Variants in PTPN18 observed in about 807,000 individuals in gnomAD.
PTPN18 encodes tyrosine-protein phosphatase non-receptor type 18.
Under a neutral mutation model 65.4 loss-of-function variants are expected in PTPN18, and 65 were observed. The ratio of observed to expected loss-of-function variants is 0.99; its 90% CI spans 0.81 to 1.22. The LOEUF is 1.22. Among genes scored for constraint, PTPN18 ranks in the 50% most tolerant of loss-of-function variants. The probability of loss-of-function intolerance (pLI) is 0.00; values close to 1 mark genes in which losing one functional copy is unlikely to be tolerated. For synonymous variants in PTPN18, 255 were observed against 267.8 expected (o/e 0.95, Z 0.47); for missense variants, 616 against 646.5 (o/e 0.95, Z 0.51).
Position 130,372,489 on chromosome 2 carries a change from T to C in PTPN18, c.1240+6T>C. ...GGGGACGCTGCCTGGCCGCGGTGAG[T>C]CGAGGCTTGCTCCTTCTCAGGGCAT... On this transcript the variant is annotated splice_donor_region_variant and intron_variant, in intron 13 of 14. Transcript: ENST00000175756. 7.2e-7 allele frequency: 1 copy of C among 1,382,138 alleles called. No homozygotes were observed. Among genetic ancestry groups the C allele is most frequent in the Non-Finnish European group, 9.3e-7 (1 of 1,075,776 alleles). 85.6% of individuals were successfully genotyped at this position (1,382,138 alleles called of 1,614,324 possible).
At chr2:130,358,653 A>C (rs529299643) in intron 1 of PTPN18, among the ~76,000 whole-genome samples, 7 of 152,174 alleles carry the variant, frequency 4.6e-5, no homozygotes, top group Admixed American at 1.3e-4. Flanking sequence ...TGATGATTAC[A>C]TGCCCTTAGC....
At chr2:130,359,868 CT>C in intron 5 of PTPN18, 1 of 603,384 alleles carries the variant, frequency 1.7e-6, no homozygotes, top group Non-Finnish European at 2.9e-6. Context: ...CATTTCACAC[CT>C]TAGACCATAA....
intron 1 of PTPN18, among the ~76,000 whole-genome samples, chr2:130,357,729 G>A (rs1357371935): frequency 1.3e-5 from 2 of 151,926 alleles, no homozygotes; most frequent in East Asian, 1.9e-4. Context: ...GGTGGCGGGC[G>A]CCTGTAGTCC....
Position 130,374,742 on chromosome 2 carries a change from C to G in PTPN18, c.*1518C>G. 2.1e-6 allele frequency: 1 copy of G among 468,242 alleles called. No individual in the cohort carries two copies. The allele number at this position is 468,242 out of a possible 1,614,324, so 29.0% of individuals were successfully genotyped here. ...GCCACAGTGCCCTGGGCCCCATGTC[C>G]ACCCCTGTCCTGCCCTTCTCTGGGA... On this transcript the variant is annotated 3_prime_UTR_variant, in exon 15 of 15. Coordinates refer to ENST00000175756, the MANE Select transcript of PTPN18 (RefSeq NM_014369.4).
intron 2 of PTPN18, 60 bp downstream of exon 2, chr2:130,359,035 G>A (rs567437982): frequency 4.2e-5 from 65 of 1,561,584 alleles, no homozygotes; most frequent in Middle Eastern, 1.8e-4. Flanking sequence ...ACGTCCAGGC[G>A]TCAGTGTGCA....
intron 1 of PTPN18, among the ~76,000 whole-genome samples, chr2:130,357,108 A>G (rs540428309): frequency 6.6e-6 from 1 of 152,352 alleles, no homozygotes; most frequent in South Asian, 2.1e-4. Context: ...GACTCGCTTG[A>G]ACCTGGGAGG....
In PTPN18 at chr2:130,374,566, T is replaced by G; in HGVS notation, c.*1342T>G. 2.1e-6 allele frequency: 1 copy of G among 466,294 alleles called. No individual in the cohort carries two copies. Among genetic ancestry groups the G allele is most frequent in the South Asian group, 1.6e-5 (1 of 64,290 alleles). The allele number at this position is 466,294 out of a possible 1,614,324, so 28.9% of individuals were successfully genotyped here. A position where few individuals can be genotyped will look rare whatever the true frequency, so the allele number is the denominator to read the frequency against. ...AAGAAATAAAAGGAGGACACGTCTC[T>G]GTGCACTGGTGTGGACAAATCTCCA... On this transcript the variant is annotated 3_prime_UTR_variant, in exon 15 of 15. Coordinates refer to ENST00000175756, the MANE Select transcript of PTPN18 (RefSeq NM_014369.4).
At chr2:130,362,083 G>T (rs576079797) in intron 5 of PTPN18, 2 of 466,264 alleles carry the variant, frequency 4.3e-6, no homozygotes, top group South Asian at 1.6e-5. Context: ...TCATGCTAGC[G>T]CAGCCTCCCT....
Position 130,359,243 on chromosome 2 carries a change from G to C in PTPN18, c.213G>C (p.Thr71=). The stretch of plus-strand genomic sequence containing the variant: ...CTTATCTGCTGACAGATGATCAGAC[G>C]CGAGTAATCCTCTCCCTGCTCCAGG... ...RYKDVLPYDQ[T]RVILSLLQEE... is the part of the protein sequence containing the mutation. The change falls in exon 3 of 15, where the codon ACG becomes ACC. Residue 71 remains threonine, a synonymous_variant. Coordinates refer to ENST00000175756, the MANE Select transcript of PTPN18 (RefSeq NM_014369.4). The C allele has an allele frequency of 6.2e-7, 1 of 1,614,024 alleles. No homozygotes were observed. The highest frequency in any genetic ancestry group is 8.5e-7 in the Non-Finnish European group (1 of 1,180,038).
chr2:130,367,936 C>A (rs1033863168), intron 5 of PTPN18, among the ~76,000 whole-genome samples: 5 of 152,012 alleles, frequency 3.3e-5, no homozygotes, highest in African/African-American at 9.7e-5. Context: ...AGAACTGATT[C>A]TTTTTCATTT....
At chr2:130,369,976 A>G (rs189262589) in intron 7 of PTPN18, 72 bp from the exon 8 acceptor site, 5 of 1,585,444 alleles carry the variant, frequency 3.2e-6, no homozygotes, top group Non-Finnish European at 2.6e-6. Flanking sequence ...GGCCTGGTGT[A>G]TAGTAGATGG....
intron 5 of PTPN18, among the ~76,000 whole-genome samples, chr2:130,361,989 A>G (rs1263650800): frequency 1.3e-5 from 2 of 148,932 alleles, no homozygotes; most frequent in East Asian, 4.0e-4. Context: ...GGTGTATTGT[A>G]GGGACTTTTT....
At chr2:130,362,524 A>C (rs1054635822) in intron 5 of PTPN18, 1 of 179,316 alleles carries the variant, frequency 5.6e-6, no homozygotes, top group Admixed American at 5.7e-5. Flanking sequence ...GGTTTACAAT[A>C]TATATCTTTA....
At position 130,373,517 on chromosome 2, in the gene PTPN18, C is replaced by T. The variant is rs1043915781; in HGVS notation, c.*293C>T. The stretch of plus-strand genomic sequence containing the variant: ...AGGGGAGAAGGGACAGATGAGCTTC[C>T]GGAGACTGCTCTCCTCACCACACAG... On this transcript the variant is annotated 3_prime_UTR_variant, in exon 15 of 15. Coordinates refer to ENST00000175756, the MANE Select transcript of PTPN18 (RefSeq NM_014369.4). The surrounding 1 kb of genome is among the most constrained non-coding windows in gnomAD (Gnocchi z 4.1). 15 of 282,384 alleles carry T rather than the reference C, an allele frequency of 5.3e-5. No homozygotes were observed. The highest frequency in any genetic ancestry group is 6.0e-5 in the Non-Finnish European group (9 of 150,712). The allele number at this position is 282,384 out of a possible 1,614,324, so 17.5% of individuals were successfully genotyped here.
intron 5 of PTPN18, 71 bp from the exon 6 acceptor site, chr2:130,369,062 G>T: frequency 7.3e-7 from 1 of 1,362,824 alleles, no homozygotes. Context: ...GTGTCTTGTG[G>T]CATGATTGAG....
chr2:130,370,281 G>A, intron 8 of PTPN18, 91 bp downstream of exon 8: 2 of 1,551,422 alleles, frequency 1.3e-6, no homozygotes, highest in South Asian at 1.2e-5. Flanking sequence ...CTTGTAGTCT[G>A]AGTGCCTATT....
intron 5 of PTPN18, among the ~76,000 whole-genome samples, chr2:130,368,200 G>A (rs1680447718): frequency 6.6e-6 from 1 of 151,788 alleles, no homozygotes; most frequent in Non-Finnish European, 1.5e-5. Context: ...GTTATTTCTG[G>A]GCCCTTTCCT....
intron 6 of PTPN18, 42 bp from the exon 7 acceptor site, chr2:130,369,723 G>T (rs1558846189): frequency 6.6e-7 from 1 of 1,516,152 alleles, no homozygotes; most frequent in East Asian, 2.3e-5. Flanking sequence ...TATGATCTTT[G>T]TTCTCCTCCC....
chr2:130,356,278 C>A, intron 1 of PTPN18, 78 bp downstream of exon 1: 1 of 1,089,734 alleles, frequency 9.2e-7, no homozygotes, highest in Non-Finnish European at 1.2e-6. Flanking sequence ...GCACGGCGGG[C>A]TCTGCCTTTC....
Sources: gnomAD v4.1 joint callset for allele counts (sites outside exome capture counted in the v4.1 genomes callset) on GRCh38, gnomAD v4.1.1 for gene constraint, Gnocchi (gnomAD v3.1) non-coding constraint, MANE v1.5 for transcripts, NCBI Gene and HGNC (gene_info 2026-07-23, HGNC 2026-07-21) for gene names.